The following GABRB3 variants were observed in gnomAD, a reference collection of about 807,000 sequenced individuals.
The protein encoded by GABRB3 is gamma-aminobutyric acid type A receptor subunit beta3, also known as gamma-aminobutyric acid receptor subunit beta-3.
GABRB3 carries 14 observed loss-of-function variants against 52.1 expected under a neutral mutation model. The observed-to-expected ratio is 0.27, with a 90% CI of 0.18 to 0.42. GABRB3 has a LOEUF of 0.42. Among genes scored for constraint, GABRB3 ranks in the 10% least tolerant of loss-of-function variants. The probability of loss-of-function intolerance (pLI) is 1.00; values close to 1 mark genes in which losing one functional copy is unlikely to be tolerated. For missense variants in GABRB3, 307 were observed against 609.1 expected (o/e 0.50, Z 5.22); for synonymous variants, 260 against 232.3 (o/e 1.12, Z -1.08).
chr15:26,733,741 A>G (rs1889992168), intron 3 of GABRB3, among the ~76,000 whole-genome samples: 1 of 152,228 alleles, frequency 6.6e-6, no homozygotes, highest in Non-Finnish European at 1.5e-5. Flanking sequence ...AAGCAACAGT[A>G]ATCAAAACAA....
At chr15:26,692,339 T>C (rs868213935) in intron 3 of GABRB3, among the ~76,000 whole-genome samples, 2 of 151,576 alleles carry the variant, frequency 1.3e-5, no homozygotes, top group East Asian at 3.9e-4. Context: ...AGGAGGAAGG[T>C]AGTTACAGCT....
intron 3 of GABRB3, among the ~76,000 whole-genome samples, chr15:26,626,950 G>C (rs1181400726): frequency 6.6e-6 from 1 of 152,186 alleles, no homozygotes; most frequent in African/African-American, 2.4e-5. Context: ...AGGCCATGTC[G>C]GACTTTCATA....
intron 3 of GABRB3, among the ~76,000 whole-genome samples, chr15:26,756,263 T>C (rs753768693): frequency 7.2e-5 from 11 of 151,986 alleles, no homozygotes; most frequent in Non-Finnish European, 1.3e-4. Flanking sequence ...TGGGTCTTCA[T>C]TTCACAATTT....
At chr15:26,769,448 C>T (rs1374419075) in intron 3 of GABRB3, among the ~76,000 whole-genome samples, 6 of 152,170 alleles carry the variant, frequency 3.9e-5, no homozygotes, top group Non-Finnish European at 8.8e-5. Context: ...TGCTTTAAAA[C>T]CTTTACCATT....
intron 8 of GABRB3, among the ~76,000 whole-genome samples, chr15:26,549,623 G>A (rs1270670007): frequency 6.6e-6 from 1 of 152,134 alleles, no homozygotes; most frequent in African/African-American, 2.4e-5. Context: ...TGAAGGTCAT[G>A]TAACCTAAGC....
chr15:26,724,618 C>T (rs1205125408), intron 3 of GABRB3, among the ~76,000 whole-genome samples: 1 of 152,100 alleles, frequency 6.6e-6, no homozygotes, highest in Non-Finnish European at 1.5e-5. Context: ...GGTAATGCAT[C>T]CTCTGCTTCA....
intron 4 of GABRB3, among the ~76,000 whole-genome samples, chr15:26,606,045 G>A (rs796497764): frequency 4.6e-4 from 69 of 151,544 alleles, no homozygotes; most frequent in African/African-American, 1.6e-3. Context: ...GGTCTCTTGA[G>A]AACTCACTAT....
chr15:26,583,763 T>C (rs894484239), intron 4 of GABRB3, among the ~76,000 whole-genome samples: 1 of 150,732 alleles, frequency 6.6e-6, no homozygotes, highest in East Asian at 1.9e-4. Context: ...AATTAACAAA[T>C]GTATTGTATC....
chr15:26,695,010 A>T (rs963570666), intron 3 of GABRB3, among the ~76,000 whole-genome samples: 6 of 152,220 alleles, frequency 3.9e-5, no homozygotes, highest in Non-Finnish European at 7.3e-5. Context: ...TTCAAACTGA[A>T]AAATAAAGAG....
chr15:26,575,412 G>A lies in GABRB3; in HGVS notation c.682+4907C>T, dbSNP rs145198162. Among the ~76,000 whole-genome samples the A allele has an allele frequency of 5.2e-3, 793 of 152,066 alleles. 10 individuals carry two copies. Among genetic ancestry groups the A allele is most frequent in the African/African-American group, 0.019 (771 of 41,478 alleles). On this transcript the variant is annotated intron_variant, in intron 6 of 8. Transcript: ENST00000311550. ...GGATCCCAGTAACAAAAGTCAATGG[G>A]GAGAAAAGAAATAGAAATTTTTCTC...
intron 3 of GABRB3, among the ~76,000 whole-genome samples, chr15:26,660,359 T>A (rs1200585809): frequency 6.6e-6 from 1 of 152,224 alleles, no homozygotes; most frequent in Non-Finnish European, 1.5e-5. Flanking sequence ...AACAGTTTTG[T>A]TACATTGTAG....
chr15:26,594,588 T>C (rs939077283), intron 4 of GABRB3, among the ~76,000 whole-genome samples: 1 of 152,218 alleles, frequency 6.6e-6, no homozygotes, highest in Non-Finnish European at 1.5e-5. Context: ...TTCAAACACC[T>C]GGGCTCAAGT....
rs536722219 is a variant in GABRB3 at position 26,715,118 on chromosome 15, G to T, written c.240+57284C>A. ...GGCAGCTCCTTGAGGACCTGGGGGGGTCTGAGCTTGAAGCAGGAGGCAGGT... is the reference window on the plus strand; with the variant it reads ...GGCAGCTCCTTGAGGACCTGGGGGGTTCTGAGCTTGAAGCAGGAGGCAGGT... On this transcript the variant is annotated intron_variant, in intron 3 of 8. Coordinates refer to ENST00000311550, the MANE Select transcript of GABRB3 (RefSeq NM_000814.6). Among the ~76,000 whole-genome samples the T allele has an allele frequency of 7.0e-4, 107 of 152,296 alleles. 1 individual carries two copies. The Middle Eastern group carries it at 0.017, about 24-fold the overall frequency.
intron 3 of GABRB3, among the ~76,000 whole-genome samples, chr15:26,670,074 C>A (rs963117562): frequency 6.6e-6 from 1 of 152,240 alleles, no homozygotes; most frequent in Non-Finnish European, 1.5e-5. Flanking sequence ...GTGAAGGGAG[C>A]TGCTCGAGCG....
intron 3 of GABRB3, among the ~76,000 whole-genome samples, chr15:26,719,687 C>A (rs189305730): frequency 6.6e-6 from 1 of 152,158 alleles, no homozygotes; most frequent in African/African-American, 2.4e-5. Flanking sequence ...TCATGAAATA[C>A]GTCAGATCAT....
At chr15:26,682,323 T>C (rs1888264793) in intron 3 of GABRB3, among the ~76,000 whole-genome samples, 1 of 152,136 alleles carries the variant, frequency 6.6e-6, no homozygotes, top group South Asian at 2.1e-4. Flanking sequence ...CTTTTTACTG[T>C]TATACTGAAG....
chr15:26,724,762 C>G (rs1244358521), intron 3 of GABRB3, among the ~76,000 whole-genome samples: 1 of 152,142 alleles, frequency 6.6e-6, no homozygotes, highest in Non-Finnish European at 1.5e-5. Flanking sequence ...CATAAATATT[C>G]ATGACTCCTC....
chr15:26,633,215 T>C (rs926535063), intron 3 of GABRB3, among the ~76,000 whole-genome samples: 1 of 152,200 alleles, frequency 6.6e-6, no homozygotes, highest in Admixed American at 6.5e-5. Context: ...CTTTTTTTCA[T>C]AAAACATTTT....
intron 3 of GABRB3, chr15:26,628,861 T>A (rs578260238): frequency 9.3e-7 from 1 of 1,074,310 alleles, no homozygotes; most frequent in African/African-American, 1.6e-5. Flanking sequence ...GAAACGGCAG[T>A]CCTCAAACGG....
Sources: allele counts gnomAD v4.1 joint callset (sites outside exome capture counted in the v4.1 genomes callset), GRCh38; gene constraint gnomAD v4.1.1; transcripts MANE v1.5; gene names NCBI Gene and HGNC (gene_info 2026-07-23, HGNC 2026-07-21).